SND1: variants seen among roughly 807,000 people sequenced by gnomAD.
SND1 encodes the protein staphylococcal nuclease and tudor domain containing 1.
Under a neutral mutation model 121.7 loss-of-function variants are expected in SND1, and 38 were observed. The ratio of observed to expected loss-of-function variants is 0.31; its 90% CI spans 0.24 to 0.41. The LOEUF (loss-of-function observed/expected upper bound fraction) is 0.41, where lower values mean the gene tolerates loss of function less well. Among genes scored for constraint, SND1 ranks in the 10% least tolerant of loss-of-function variants. The probability of loss-of-function intolerance (pLI) is 1.00; values close to 1 mark genes in which losing one functional copy is unlikely to be tolerated. For synonymous variants in SND1, 401 were observed against 447.4 expected, an observed-to-expected ratio of 0.90 and a Z score of 1.31; for missense variants, 868 against 1,184.6, an observed-to-expected ratio of 0.73 and a Z score of 3.92.
At position 127,707,694 on chromosome 7, in the gene SND1, C is replaced by T. The variant is rs114324932; in HGVS notation, c.1038+47C>T. Reference sequence around the variant, plus strand: ...GATATGCATAGTGGACATTGCCAGGCGAGTAATAATACAAGAATTTGAACA... The same window carrying T: ...GATATGCATAGTGGACATTGCCAGGTGAGTAATAATACAAGAATTTGAACA... On this transcript the variant is annotated intron_variant, in intron 9 of 23. Transcript: ENST00000354725. The T allele has an allele frequency of 9.9e-4, 1,462 of 1,470,334 alleles. 17 individuals carry two copies. The African/African-American group carries it at 0.018, about 18-fold the overall frequency. 91.1% of individuals were successfully genotyped at this position (1,470,334 alleles called of 1,614,324 possible).
At chr7:127,688,185 T>G (rs1453348888) in intron 2 of SND1, among the ~76,000 whole-genome samples, 1 of 152,148 alleles carries the variant, frequency 6.6e-6, no homozygotes, top group Non-Finnish European at 1.5e-5. Flanking sequence ...TAATGGTGAT[T>G]TGAGAACCTT....
At chr7:127,844,282 T>C (rs371208872) in intron 11 of SND1, 42 bp from the exon 12 acceptor site, 23 of 1,535,936 alleles carry the variant, frequency 1.5e-5, no homozygotes, top group Non-Finnish European at 2.0e-5. Flanking sequence ...TGAGCTATGT[T>C]GCAGACTCTC....
chr7:127,749,397 C>G (rs919499862), intron 10 of SND1, among the ~76,000 whole-genome samples: 1 of 152,190 alleles, frequency 6.6e-6, no homozygotes, highest in Non-Finnish European at 1.5e-5. Flanking sequence ...AAGGGTGTAG[C>G]TTTGGCTTCC....
chr7:127,912,647 G>A (rs528512883), intron 14 of SND1, among the ~76,000 whole-genome samples: 13 of 152,016 alleles, frequency 8.6e-5, no homozygotes, highest in African/African-American at 2.4e-4. Context: ...ATTAATTAGT[G>A]GGGTTAAAAT....
At chr7:127,911,432 A>G (rs1800452433) in intron 14 of SND1, among the ~76,000 whole-genome samples, 1 of 151,992 alleles carries the variant, frequency 6.6e-6, no homozygotes, top group Non-Finnish European at 1.5e-5. Context: ...TTGGTCTCAA[A>G]CTCCTGGGCT....
intron 10 of SND1, among the ~76,000 whole-genome samples, chr7:127,771,304 G>T (rs1224402142): frequency 6.6e-6 from 1 of 152,142 alleles, no homozygotes; most frequent in Admixed American, 6.5e-5. Context: ...CAAATTTAAG[G>T]TTTTTGTTTT....
chr7:127,777,373 A>T (rs1457389982), intron 10 of SND1, among the ~76,000 whole-genome samples: 1 of 152,236 alleles, frequency 6.6e-6, no homozygotes, highest in East Asian at 1.9e-4. Context: ...TGGAAAACTC[A>T]GAAAGAGTTG....
At chr7:127,753,467 A>G (rs62481382) in intron 10 of SND1, among the ~76,000 whole-genome samples, 2 of 151,642 alleles carry the variant, frequency 1.3e-5, no homozygotes, top group African/African-American at 4.8e-5. Flanking sequence ...TTTTTTTTAA[A>G]TGAAAGGCCT....
At chr7:127,895,449 A>T (rs1386543388) in intron 13 of SND1, among the ~76,000 whole-genome samples, 2 of 152,054 alleles carry the variant, frequency 1.3e-5, no homozygotes, top group Admixed American at 1.3e-4. Context: ...TTTCTCTTAA[A>T]TGTCCTAATG....
At chr7:127,762,451 C>G (rs1797321566) in intron 10 of SND1, among the ~76,000 whole-genome samples, 1 of 152,180 alleles carries the variant, frequency 6.6e-6, no homozygotes, top group Admixed American at 6.5e-5. Flanking sequence ...TCCTAATCTC[C>G]CCTTATGGGA....
chr7:128,039,585 G>T (rs899377147), intron 16 of SND1, among the ~76,000 whole-genome samples: 8 of 152,156 alleles, frequency 5.3e-5, no homozygotes, highest in Non-Finnish European at 8.8e-5. Context: ...CTTGCTGACA[G>T]ATTTATGAAG....
intron 9 of SND1, among the ~76,000 whole-genome samples, chr7:127,715,662 G>A (rs918555611): frequency 7.2e-5 from 11 of 151,974 alleles, no homozygotes; most frequent in African/African-American, 2.7e-4. Flanking sequence ...TATATGATTG[G>A]CAAATATTTT....
At chr7:127,672,412 C>T (rs1317327326) in intron 1 of SND1, among the ~76,000 whole-genome samples, 1 of 151,856 alleles carries the variant, frequency 6.6e-6, no homozygotes, top group Non-Finnish European at 1.5e-5. Context: ...GAGTTCGAGA[C>T]CAACCTGTTC....
rs1362110294 is a variant in SND1 at position 128,015,543 on chromosome 7, A to T, written c.1779+24487A>T. Among the ~76,000 whole-genome samples, 1 of 152,210 alleles carries T rather than the reference A, an allele frequency of 6.6e-6. No individual in the cohort carries two copies. Among genetic ancestry groups the T allele is most frequent in the Non-Finnish European group, 1.5e-5 (1 of 68,046 alleles). ...TAATATAGACTTTGGCAACTTCTCAAAGTACAATGCTCAGTTTTTCAGTCT... is the reference window on the plus strand; with the variant it reads ...TAATATAGACTTTGGCAACTTCTCATAGTACAATGCTCAGTTTTTCAGTCT... On this transcript the variant is annotated intron_variant, in intron 16 of 23. Coordinates refer to ENST00000354725, the MANE Select transcript of SND1 (RefSeq NM_014390.4). This position sits in a 1 kb window ranked among gnomAD's most constrained non-coding sequence, Gnocchi z 4.5.
chr7:128,029,446 G>C lies in SND1; in HGVS notation c.1779+38390G>C. On this transcript the variant is annotated intron_variant, in intron 16 of 23. Coordinates refer to ENST00000354725, the MANE Select transcript of SND1 (RefSeq NM_014390.4). The surrounding 1 kb of genome is among the most constrained non-coding windows in gnomAD (Gnocchi z 4.2). The stretch of plus-strand genomic sequence containing the variant: ...CCGTCGTTGAGGACAGAGATCCTTG[G>C]GTGGCGGGAGGCGTGGCTGAGCACT... The C allele has an allele frequency of 6.2e-7, 1 of 1,614,210 alleles. No homozygotes were observed. The highest frequency in any genetic ancestry group is 8.5e-7 in the Non-Finnish European group (1 of 1,180,034).
intron 15 of SND1, among the ~76,000 whole-genome samples, chr7:127,933,401 T>G (rs1054914707): frequency 1.3e-4 from 20 of 152,252 alleles, no homozygotes; most frequent in Non-Finnish European, 2.5e-4. Context: ...ATTTTTCTCC[T>G]GCCATAGTGT....
At chr7:127,819,334 A>T (rs896658533) in intron 11 of SND1, among the ~76,000 whole-genome samples, 1 of 152,178 alleles carries the variant, frequency 6.6e-6, no homozygotes, top group Non-Finnish European at 1.5e-5. Context: ...TACACTTGGG[A>T]TGAATTCATT....
At chr7:127,997,908 G>C (rs1341195732) in intron 16 of SND1, 1 of 534,616 alleles carries the variant, frequency 1.9e-6, no homozygotes, top group Non-Finnish European at 3.8e-6. Flanking sequence ...GGCTTCCCTT[G>C]CTCTCCCAGG....
At chr7:127,905,784 A>G (rs945383583) in intron 14 of SND1, among the ~76,000 whole-genome samples, 1 of 152,176 alleles carries the variant, frequency 6.6e-6, no homozygotes, top group East Asian at 1.9e-4. Flanking sequence ...GAAGATGCCC[A>G]GGGGAGATGA....
Sources: allele counts gnomAD v4.1 joint callset (sites outside exome capture counted in the v4.1 genomes callset), GRCh38; gene constraint gnomAD v4.1.1; non-coding constraint Gnocchi (gnomAD v3.1); transcripts MANE v1.5; gene names NCBI Gene and HGNC (gene_info 2026-07-23, HGNC 2026-07-21).